Variants in SLC2A12 observed in about 807,000 individuals in gnomAD.
SLC2A12 encodes solute carrier family 2 member 12.
Under a neutral mutation model 41.8 loss-of-function variants are expected in SLC2A12, and 23 were observed. The ratio of observed to expected loss-of-function variants is 0.55; its 90% CI spans 0.40 to 0.78. The LOEUF (loss-of-function observed/expected upper bound fraction) is 0.78, where lower values mean the gene tolerates loss of function less well. Ranked by LOEUF, SLC2A12 falls within the 30% of genes least tolerant of loss-of-function variation. SLC2A12 has a pLI of 0.00. For synonymous variants in SLC2A12, 295 were observed against 285.9 expected, an observed-to-expected ratio of 1.03 and a Z score of -0.32; for missense variants, 654 against 745.6, an observed-to-expected ratio of 0.88 and a Z score of 1.43.
chr6:134,022,841 C>T (rs905696818), intron 2 of SLC2A12, among the ~76,000 whole-genome samples: 11 of 152,172 alleles, frequency 7.2e-5, no homozygotes, highest in Admixed American at 3.9e-4. Flanking sequence ...GATTTCTGCA[C>T]GTACTACATG....
rs775422787 is a variant in SLC2A12, at chr6:134,028,993, G to A, written c.832C>T (p.Arg278Ter). Residue 278 changes from arginine to a stop codon, truncating the protein, a stop_gained, in exon 2 of 5, where the codon CGA becomes TGA. Coordinates refer to ENST00000275230, the MANE Select transcript of SLC2A12 (RefSeq NM_145176.3). LOFTEE classifies it high-confidence loss of function. ...ACTAGTGTTAGTCCTATCATTATTC[G>A]GGTCCGCATGTTGTCTTTTGAACGA... ...LFRSKDNMRT[R>*]IMIGLTLVFF... The A allele has an allele frequency of 1.2e-6, 2 of 1,614,116 alleles. No individual in the cohort carries two copies. Among genetic ancestry groups the A allele is most frequent in the Non-Finnish European group, 1.7e-6 (2 of 1,180,006 alleles).
intron 2 of SLC2A12, among the ~76,000 whole-genome samples, chr6:134,019,059 C>T (rs961444434): frequency 6.6e-6 from 1 of 152,230 alleles, no homozygotes; most frequent in African/African-American, 2.4e-5. Flanking sequence ...ACAGTCGCAG[C>T]TTTATCACCT....
rs1554208410 is a variant in SLC2A12 at position 134,032,447 on chromosome 6, T to TAA, written c.104-2728_104-2727dup. On this transcript the variant is annotated intron_variant, in intron 1 of 4. Transcript: ENST00000275230. Reference sequence around the variant, plus strand: ...ATATTTATATATATATATATATATATAAATATATATATATATATTTTTATA... The same window carrying TAA: ...ATATTTATATATATATATATATATATAAAAATATATATATATATATTTTTATA... Among the ~76,000 whole-genome samples, 209 of 33,464 alleles carry TAA rather than the reference T, an allele frequency of 6.2e-3. 3 individuals are homozygous for TAA. The highest frequency in any genetic ancestry group is 0.024 in the African/African-American group (195 of 7,996). 22.0% of individuals were successfully genotyped at this position (33,464 alleles called of 152,430 possible). A position where few individuals can be genotyped will look rare whatever the true frequency, so the allele number is the denominator to read the frequency against.
chr6:134,018,633 G>A (rs907032051), intron 2 of SLC2A12, among the ~76,000 whole-genome samples: 1 of 151,986 alleles, frequency 6.6e-6, no homozygotes, highest in African/African-American at 2.4e-5. Context: ...CTATCATATC[G>A]GAAATAACCC....
chr6:134,017,029 G>C (rs1041555991), intron 2 of SLC2A12, among the ~76,000 whole-genome samples: 1 of 151,944 alleles, frequency 6.6e-6, no homozygotes, highest in Non-Finnish European at 1.5e-5. Flanking sequence ...TGAAACCAAG[G>C]TAGGAATAAT....
rs141774752 is a variant in SLC2A12, at chr6:134,030,648, T to G, written c.104-927A>C. Among the ~76,000 whole-genome samples, 357 of 152,330 alleles carry G rather than the reference T, an allele frequency of 2.3e-3. 3 individuals are homozygous for G. The highest frequency in any genetic ancestry group is 8.2e-3 in the African/African-American group (339 of 41,568). On this transcript the variant is annotated intron_variant, in intron 1 of 4. Transcript: ENST00000275230. ...AGAGTATTTCAGGCCCAGGAGAAAG[T>G]AATTTCCAAGGCCTTAGGACAGGAA...
At position 134,028,466 on chromosome 6, in the gene SLC2A12, A is replaced by G. The variant is rs757997681; in HGVS notation, c.1359T>C (p.Pro453=). The change falls in exon 2 of 5, where the codon CCT becomes CCC. Residue 453 remains proline, a synonymous_variant. Coordinates refer to ENST00000275230, the MANE Select transcript of SLC2A12 (RefSeq NM_145176.3). ...ATTTCAAAAAAGCTGGGACGTCCCCAGGGTCTGTGACTATCTGGTATTCAG... is the reference window on the plus strand; with the variant it reads ...ATTTCAAAAAAGCTGGGACGTCCCCGGGGTCTGTGACTATCTGGTATTCAG... The part of the protein sequence containing the change: ...SHTEYQIVTD[P]GDVPAFLKWL... 1.2e-6 allele frequency: 2 copies of G among 1,614,220 alleles called. No homozygotes were observed. The highest frequency in any genetic ancestry group is 8.5e-7 in the Non-Finnish European group (1 of 1,180,024).
rs554118750 is a variant in SLC2A12 at position 133,990,381 on chromosome 6, A to C, written c.*774T>G. The C allele has an allele frequency of 6.5e-6, 1 of 152,688 alleles. No individual in the cohort carries two copies. Among genetic ancestry groups the C allele is most frequent in the East Asian group, 1.9e-4 (1 of 5,184 alleles). 9.5% of individuals were successfully genotyped at this position (152,688 alleles called of 1,614,324 possible). Reference sequence around the variant, plus strand: ...AACCTAATGGCCTGACTCCTTTTCTAATGTTTTACTAACAGCTACTTCTAA... The same window carrying C: ...AACCTAATGGCCTGACTCCTTTTCTCATGTTTTACTAACAGCTACTTCTAA... On this transcript the variant is annotated 3_prime_UTR_variant, in exon 5 of 5. Coordinates refer to ENST00000275230, the MANE Select transcript of SLC2A12 (RefSeq NM_145176.3).
chr6:134,051,807 G>T lies in SLC2A12; in HGVS notation c.103+571C>A, dbSNP rs569556606. ...GCAAGCGTTTCAGGCTCTGAATAAC[G>T]CTCAAATTCATCACAAACGTGCTGG... On this transcript the variant is annotated intron_variant, in intron 1 of 4. Transcript: ENST00000275230. Among the ~76,000 whole-genome samples, 167 of 152,276 alleles carry T rather than the reference G, an allele frequency of 1.1e-3. 1 individual carries two copies. Among genetic ancestry groups the T allele is most frequent in the Non-Finnish European group, 2.1e-3 (140 of 68,020 alleles).
chr6:134,006,696 C>T, intron 3 of SLC2A12, 116 bp downstream of exon 3: 1 of 1,342,556 alleles, frequency 7.4e-7, no homozygotes, highest in East Asian at 2.5e-5. Context: ...CATGGCCGTT[C>T]TCCTTCTAAG....
intron 2 of SLC2A12, among the ~76,000 whole-genome samples, chr6:134,018,676 T>C (rs957295251): frequency 2.6e-5 from 4 of 152,224 alleles, no homozygotes; most frequent in African/African-American, 7.2e-5. Context: ...TTACCCTCTT[T>C]TATTTTTCTT....
Position 134,005,659 on chromosome 6 carries a change from T to TAAAAA in SLC2A12, c.1567+1148_1567+1152dup, listed in dbSNP as rs56710009. Among the ~76,000 whole-genome samples the TAAAAA allele has an allele frequency of 2.4e-3, 158 of 64,954 alleles. 4 individuals are homozygous for TAAAAA. Among genetic ancestry groups the TAAAAA allele is most frequent in the African/African-American group, 2.8e-3 (41 of 14,812 alleles). The allele number at this position is 64,954 out of a possible 152,430, so 42.6% of individuals were successfully genotyped here. A position where few individuals can be genotyped will look rare whatever the true frequency, so the allele number is the denominator to read the frequency against. On this transcript the variant is annotated intron_variant, in intron 3 of 4. Coordinates refer to ENST00000275230, the MANE Select transcript of SLC2A12 (RefSeq NM_145176.3). Reference sequence around the variant, plus strand: ...TGGGCAAGAGAGTGAGACTCTGTCTTAAAAAAAAAAAAAAAAAAAAAAAAA... The same window carrying TAAAAA: ...TGGGCAAGAGAGTGAGACTCTGTCTTAAAAAAAAAAAAAAAAAAAAAAAAAAAAAA...
chr6:133,995,711 G>C (rs1457163000), intron 4 of SLC2A12, among the ~76,000 whole-genome samples: 6 of 152,200 alleles, frequency 3.9e-5, no homozygotes, highest in Non-Finnish European at 5.9e-5. Context: ...ACACTTTAAA[G>C]TGTAAATCAG....
rs1249776475 is a variant in SLC2A12, at chr6:133,990,872, G to T, written c.*283C>A. ...ACATAGTCTATTCAAAGGCTGCTCT[G>T]TGAAGAAGGTAGAAAGTATTAAACC... is the stretch of plus-strand genomic sequence containing the variant. On this transcript the variant is annotated 3_prime_UTR_variant, in exon 5 of 5. Coordinates refer to ENST00000275230, the MANE Select transcript of SLC2A12 (RefSeq NM_145176.3). The T allele has an allele frequency of 3.5e-6, 1 of 282,490 alleles. No homozygotes were observed. The highest frequency in any genetic ancestry group is 2.2e-5 in the African/African-American group (1 of 45,778). 17.5% of individuals were successfully genotyped at this position (282,490 alleles called of 1,614,324 possible).
chr6:134,051,689 T>C, intron 1 of SLC2A12, among the ~76,000 whole-genome samples: 1 of 152,312 alleles, frequency 6.6e-6, no homozygotes, highest in East Asian at 1.9e-4. Flanking sequence ...TTAAATGAAT[T>C]AAAACTTTTC....
chr6:134,052,318 T>G, intron 1 of SLC2A12, 60 bp downstream of exon 1: 2 of 1,259,662 alleles, frequency 1.6e-6, no homozygotes, highest in Non-Finnish European at 2.2e-6. Context: ...GACAGTACAC[T>G]CGGGAGATGA....
chr6:134,010,656 A>G (rs1562194035), intron 2 of SLC2A12, among the ~76,000 whole-genome samples: 1 of 151,936 alleles, frequency 6.6e-6, no homozygotes, highest in Non-Finnish European at 1.5e-5. Context: ...CAGAGATGAA[A>G]CTCATATTTC....
intron 1 of SLC2A12, among the ~76,000 whole-genome samples, chr6:134,048,560 C>A (rs898227250): frequency 6.6e-6 from 1 of 152,126 alleles, no homozygotes; most frequent in African/African-American, 2.4e-5. Context: ...CAGAGCGAGA[C>A]TTCATCTCAG....
intron 2 of SLC2A12, among the ~76,000 whole-genome samples, chr6:134,015,240 T>C (rs968343752): frequency 1.3e-5 from 2 of 152,156 alleles, no homozygotes; most frequent in Non-Finnish European, 2.9e-5. Context: ...AACAAAACTC[T>C]CCTGTTAACA....
Sources: gnomAD v4.1 joint callset for allele counts (sites outside exome capture counted in the v4.1 genomes callset) on GRCh38, gnomAD v4.1.1 for gene constraint, MANE v1.5 for transcripts, NCBI Gene and HGNC (gene_info 2026-07-23, HGNC 2026-07-21) for gene names.